Variants in CCNJL observed in about 807,000 individuals in gnomAD.
CCNJL encodes the protein cyclin-J-like protein.
In CCNJL, 33 loss-of-function variants were observed where a neutral mutation model predicts 33.4. The observed-to-expected ratio is 0.99, with a 90% confidence interval of 0.75 to 1.32. The LOEUF is 1.32. Ranked by LOEUF, CCNJL falls within the 40% of genes most tolerant of loss-of-function variation. The pLI is 0.00. For synonymous variants in CCNJL, 227 were observed against 220.9 expected (o/e 1.03, Z -0.24); for missense variants, 512 against 499.7 (o/e 1.02, Z -0.23).
chr5:160,290,349 T>C (rs1266292276), intron 2 of CCNJL, among the ~76,000 whole-genome samples: 1 of 151,972 alleles, frequency 6.6e-6, no homozygotes, highest in Non-Finnish European at 1.5e-5. Flanking sequence ...TACTGCAACC[T>C]CCGCCTTCTA....
At chr5:160,298,405 T>G (rs540643091) in intron 2 of CCNJL, among the ~76,000 whole-genome samples, 4 of 151,758 alleles carry the variant, frequency 2.6e-5, no homozygotes, top group Admixed American at 2.6e-4. Flanking sequence ...GAAGGCAATT[T>G]GCGGGCTGCA....
rs145464288 is a variant in CCNJL at position 160,304,627 on chromosome 5, C to T, written c.66+7231G>A. On this transcript the variant is annotated intron_variant, in intron 2 of 5. Coordinates refer to ENST00000257536, the MANE Select transcript of CCNJL (RefSeq NM_001308173.3). ...CATTCCTGTAACTAAGCCGGGCAGA[C>T]ACATCCCACTGCCAGAGTTTGGAAC... Among the ~76,000 whole-genome samples the T allele has an allele frequency of 1.9e-3, 295 of 152,262 alleles. 3 individuals are homozygous for T. Among genetic ancestry groups the T allele is most frequent in the African/African-American group, 6.7e-3 (278 of 41,554 alleles).
rs1211102746 is a variant in CCNJL, at chr5:160,250,337, T to TA, written c.*3040dup. The TA allele has an allele frequency of 2.0e-5, 3 of 152,234 alleles. No individual in the cohort carries two copies. The highest frequency in any genetic ancestry group is 6.5e-5 in the Admixed American group (1 of 15,274). 9.4% of individuals were successfully genotyped at this position (152,234 alleles called of 1,614,324 possible). On this transcript the variant is annotated 3_prime_UTR_variant, in exon 6 of 6. Transcript: ENST00000257536. ...GCCTTGTCTCTGAATCCCCAAAACTTAGAGCTTCCTGCCTCACCTAGCCTT... is the reference window on the plus strand; with the variant it reads ...GCCTTGTCTCTGAATCCCCAAAACTTAAGAGCTTCCTGCCTCACCTAGCCTT...
chr5:160,282,991 A>ATATATATG (rs1762281387), intron 2 of CCNJL, among the ~76,000 whole-genome samples: 12 of 59,986 alleles, frequency 2.0e-4, no homozygotes, highest in Admixed American at 1.7e-3. Context: ...ATATATATAT[A>ATATATATG]TATATATATA....
chr5:160,257,185 T>A (rs747676678), intron 4 of CCNJL, among the ~76,000 whole-genome samples: 50 of 151,004 alleles, frequency 3.3e-4, no homozygotes, highest in Non-Finnish European at 6.1e-4. Flanking sequence ...TAAAAAAATT[T>A]AAAAAATTGG....
chr5:160,259,012 C>T (rs991119944), intron 4 of CCNJL, among the ~76,000 whole-genome samples: 12 of 152,128 alleles, frequency 7.9e-5, no homozygotes, highest in Admixed American at 5.2e-4. Context: ...ACCCAGTTAA[C>T]ATCTAGATTT....
chr5:160,280,751 C>G lies in CCNJL; in HGVS notation c.67-13G>C, dbSNP rs73817375. The G allele has an allele frequency of 6.4e-7, 1 of 1,567,856 alleles. No homozygotes were observed. Among genetic ancestry groups the G allele is most frequent in the East Asian group, 2.3e-5 (1 of 42,670 alleles). ...GCAGCTTCAGTTCCTGGAGGACAGG[C>G]GGGGCGGAGGGGTGACGGTCAGGGC... is the stretch of plus-strand genomic sequence containing the variant. On this transcript the variant is annotated splice_polypyrimidine_tract_variant and intron_variant, in intron 2 of 5. Coordinates refer to ENST00000257536, the MANE Select transcript of CCNJL (RefSeq NM_001308173.3).
At chr5:160,321,012 CTCTTTCTTTCTTTCTTTCTTTCTT>C (rs59309263) in intron 1 of CCNJL, among the ~76,000 whole-genome samples, 6,151 of 71,510 alleles carry the variant, frequency 0.086, 314 homozygotes, top group Non-Finnish European at 0.1. Context: ...CTCTCTCTCT[CTCTTTCTTTCTTTCTTTCTTTCTT>C]TCTTTCTTTC....
At position 160,252,311 on chromosome 5, in the gene CCNJL, A is replaced by G. The variant is rs1760840482; in HGVS notation, c.*1067T>C. The stretch of plus-strand genomic sequence containing the variant: ...CCCATGTACATCCCACTCCCCAAAT[A>G]CAGGTGGGACTAAGCAAATTTTCCA... On this transcript the variant is annotated 3_prime_UTR_variant, in exon 6 of 6. Coordinates refer to ENST00000257536, the MANE Select transcript of CCNJL (RefSeq NM_001308173.3). 2 of 152,542 alleles carry G rather than the reference A, an allele frequency of 1.3e-5. No individual in the cohort carries two copies. Among genetic ancestry groups the G allele is most frequent in the Admixed American group, 1.3e-4 (2 of 15,266 alleles). 9.4% of individuals were successfully genotyped at this position (152,542 alleles called of 1,614,324 possible).
At chr5:160,256,006 A>G (rs973612492) in intron 4 of CCNJL, among the ~76,000 whole-genome samples, 2 of 152,164 alleles carry the variant, frequency 1.3e-5, no homozygotes, top group African/African-American at 4.8e-5. Context: ...CTACTACCTC[A>G]GCCTTTTGAG....
chr5:160,321,005 T>C (rs1443604306), intron 1 of CCNJL, among the ~76,000 whole-genome samples: 4 of 110,166 alleles, frequency 3.6e-5, no homozygotes, highest in Admixed American at 8.7e-5. Context: ...TTTCTCTCTC[T>C]CTCTCTCTCT....
intron 3 of CCNJL, among the ~76,000 whole-genome samples, chr5:160,274,532 A>G (rs956598668): frequency 3.3e-5 from 5 of 152,112 alleles, no homozygotes; most frequent in Non-Finnish European, 7.4e-5. Flanking sequence ...ACTGACTCAC[A>G]GAGCTAAGGG....
chr5:160,312,303 C>T (rs1763293098), intron 1 of CCNJL, 61 bp downstream of exon 1: 2 of 302,474 alleles, frequency 6.6e-6, no homozygotes, highest in Non-Finnish European at 1.2e-5. Flanking sequence ...CCAACTCCTC[C>T]CCCGCCGCCC....
intron 4 of CCNJL, 42 bp from the exon 5 acceptor site, chr5:160,255,750 C>T: frequency 6.3e-7 from 1 of 1,583,158 alleles, no homozygotes; most frequent in Non-Finnish European, 8.7e-7. Context: ...CAAATCCTCC[C>T]CTTGGAATCC....
rs1367988004 is a variant in CCNJL at position 160,258,388 on chromosome 5, G to T, written c.583+1081C>A. ...AATATATGAGAATGAAGATGTGAAA[G>T]AAGCCATAAGAAGGCTTCCTGAGAA... On this transcript the variant is annotated intron_variant, in intron 4 of 5. Coordinates refer to ENST00000257536, the MANE Select transcript of CCNJL (RefSeq NM_001308173.3). The T allele has an allele frequency of 3.8e-6, 3 of 791,860 alleles. No homozygotes were observed. The African/African-American group carries it at 5.1e-5, about 13-fold the overall frequency. 49.1% of individuals were successfully genotyped at this position (791,860 alleles called of 1,614,324 possible).
rs1051388540 is a variant in CCNJL, at chr5:160,277,121, AAAC to A, written c.280+3401_280+3403del. The stretch of plus-strand genomic sequence containing the variant: ...TTTTTCTTTACAAAAACAAACAAAC[AAAC>A]AACAACAACAAAAAACCCACAAACA... On this transcript the variant is annotated intron_variant, in intron 3 of 5. Transcript: ENST00000257536. Among the ~76,000 whole-genome samples the A allele has an allele frequency of 4.7e-4, 72 of 152,262 alleles. 1 individual carries two copies. The highest frequency in any genetic ancestry group is 1.5e-3 in the African/African-American group (64 of 41,524).
Position 160,259,790 on chromosome 5 carries a change from AG to A in CCNJL, c.281-20del, listed in dbSNP as rs1412531018. 1 of 1,583,916 alleles carries A rather than the reference AG, an allele frequency of 6.3e-7. No individual in the cohort carries two copies. Among genetic ancestry groups the A allele is most frequent in the Non-Finnish European group, 8.6e-7 (1 of 1,163,392 alleles). ...AACTTACCTGTCGGGGAGCAGGGGAAGCAGGGGTTACTGGAAGACATTTACC... is the reference window on the plus strand; with the variant it reads ...AACTTACCTGTCGGGGAGCAGGGGAACAGGGGTTACTGGAAGACATTTACC... On this transcript the variant is annotated intron_variant, in intron 3 of 5. Transcript: ENST00000257536.
intron 3 of CCNJL, among the ~76,000 whole-genome samples, chr5:160,261,961 C>G (rs1172158062): frequency 1.3e-5 from 2 of 152,110 alleles, no homozygotes; most frequent in African/African-American, 4.8e-5. Context: ...TCTCAGGAAA[C>G]AGATATTTTA....
chr5:160,262,456 T>C (rs145508783), intron 3 of CCNJL, among the ~76,000 whole-genome samples: 52 of 152,334 alleles, frequency 3.4e-4, no homozygotes, highest in African/African-American at 1.2e-3. Flanking sequence ...TGGGTCTGAA[T>C]CCTCAGGAGT....
Sources: gnomAD v4.1 joint callset for allele counts (sites outside exome capture counted in the v4.1 genomes callset) on GRCh38, gnomAD v4.1.1 for gene constraint, MANE v1.5 for transcripts, NCBI Gene and HGNC (gene_info 2026-07-23, HGNC 2026-07-21) for gene names.